The following PTPRA variants were observed in gnomAD, a reference collection of about 807,000 sequenced individuals.
PTPRA encodes the protein protein tyrosine phosphatase receptor type A, also known as receptor-type tyrosine-protein phosphatase alpha.
PTPRA carries 25 observed loss-of-function variants against 104.8 expected under a neutral mutation model. The observed-to-expected ratio is 0.24, with a 90% confidence interval of 0.17 to 0.33. The LOEUF is 0.33. Ranked by LOEUF, PTPRA falls within the 10% of genes least tolerant of loss-of-function variation. PTPRA has a pLI of 1.00. For synonymous variants in PTPRA, 323 were observed against 368.9 expected, an observed-to-expected ratio of 0.88 and a Z score of 1.43; for missense variants, 765 against 1,015.3, an observed-to-expected ratio of 0.75 and a Z score of 3.35.
rs755764539 is a variant in PTPRA at position 2,965,018 on chromosome 20, C to T, written c.231C>T (p.Thr77=). 3 of 1,614,008 alleles carry T rather than the reference C, an allele frequency of 1.9e-6. No individual in the cohort carries two copies. The highest frequency in any genetic ancestry group is 2.5e-6 in the Non-Finnish European group (3 of 1,179,974). ...PNITLGPTYL[T]TVNSSDSDNG... ...TAACTCTGGGACCCACCTATTTAAC[C>T]ACTGTCAATTCTTCAGACTCTGACA... The change falls in exon 5 of 24, where the codon ACC becomes ACT. Residue 77 remains threonine, a synonymous_variant. Transcript: ENST00000399903.
At chr20:2,891,898 T>C (rs2058806702) in intron 1 of PTPRA, among the ~76,000 whole-genome samples, 1 of 152,236 alleles carries the variant, frequency 6.6e-6, no homozygotes, top group Non-Finnish European at 1.5e-5. Flanking sequence ...GCAAATACTA[T>C]GTAAATAGCT....
At chr20:2,951,045 G>C (rs144227087) in intron 3 of PTPRA, among the ~76,000 whole-genome samples, 1 of 152,230 alleles carries the variant, frequency 6.6e-6, no homozygotes, top group African/African-American at 2.4e-5. Flanking sequence ...TTTTATACAA[G>C]TGAAATCATG....
At position 2,965,074 on chromosome 20, in the gene PTPRA, C is replaced by G. The variant is rs774311246; in HGVS notation, c.287C>G (p.Ser96Cys). 6.2e-7 allele frequency: 1 copy of G among 1,614,002 alleles called. No individual in the cohort carries two copies. Among genetic ancestry groups the G allele is most frequent in the Non-Finnish European group, 8.5e-7 (1 of 1,179,868 alleles). ...ACCACAAGAACAGCAAGCACCAATT[C>G]TATAGGCATTACAATTTCACCAAAT... ...NGTTRTASTN[S>C]IGITISPNGT... Residue 96 changes from serine (S) to cysteine (C), a missense_variant, in exon 5 of 24, where the codon TCT (serine) becomes TGT (cysteine). Transcript: ENST00000399903.
At chr20:2,867,549 GCTCTCC>G in the PTPRA span, among the ~76,000 whole-genome samples, 2 of 148,406 alleles carry the variant, frequency 1.3e-5, no homozygotes, top group African/African-American at 5.0e-5. Flanking sequence ...CACCCCCTCT[GCTCTCC>G]CTGTCTAGCC....
At chr20:2,910,589 G>GTTTTT (rs1423909050) in intron 1 of PTPRA, among the ~76,000 whole-genome samples, 2 of 57,980 alleles carry the variant, frequency 3.4e-5, no homozygotes, top group African/African-American at 1.6e-4. Flanking sequence ...TTTTTTTTTT[G>GTTTTT]TTTTTTTTTT....
At chr20:3,023,622 G>A (rs2064991441) in intron 16 of PTPRA, among the ~76,000 whole-genome samples, 2 of 152,142 alleles carry the variant, frequency 1.3e-5, no homozygotes, top group South Asian at 4.1e-4. Context: ...ATGACACAGA[G>A]TCCTTTGCTC....
At chr20:3,007,609 C>A (rs866834673) in intron 11 of PTPRA, among the ~76,000 whole-genome samples, 189 bp downstream of exon 11, 1 of 151,726 alleles carries the variant, frequency 6.6e-6, no homozygotes, top group South Asian at 2.1e-4. Flanking sequence ...CTATATTTAC[C>A]CTGTCGTCAT....
intron 5 of PTPRA, among the ~76,000 whole-genome samples, chr20:2,968,785 A>G (rs528688559): frequency 6.0e-4 from 91 of 152,276 alleles, no homozygotes; most frequent in Admixed American, 1.6e-3. Flanking sequence ...CTAATGGCTC[A>G]TGCCTGTGGT....
chr20:3,025,555 G>A (rs927321721), intron 17 of PTPRA, among the ~76,000 whole-genome samples: 2 of 151,628 alleles, frequency 1.3e-5, no homozygotes, highest in African/African-American at 2.4e-5. Flanking sequence ...CATGTGCACA[G>A]ATTTCTTTGG....
chr20:2,948,802 A>G (rs562054199), intron 3 of PTPRA, among the ~76,000 whole-genome samples: 2 of 151,894 alleles, frequency 1.3e-5, no homozygotes, highest in East Asian at 1.9e-4. Context: ...ATAGAAAAAA[A>G]TTAGCTGGGC....
intron 6 of PTPRA, among the ~76,000 whole-genome samples, chr20:2,977,291 CA>C (rs60609555): frequency 0.64 from 76,264 of 119,762 alleles, 22,658 homozygotes; most frequent in East Asian, 0.83. Context: ...GACTCTGTCT[CA>C]AAAAAAAAAA....
rs1411397362 is a variant in PTPRA, at chr20:3,037,918, G to C, written c.2335-141G>C. ...AATGCTGTCAGAACTCTGGCAGGCA[G>C]ATCAGAGCTCAGGTGAAAGTTCAAA... On this transcript the variant is annotated intron_variant, in intron 23 of 23. Transcript: ENST00000399903. The surrounding 1 kb of genome is among the most constrained non-coding windows in gnomAD (Gnocchi z 4.3). The C allele has an allele frequency of 2.8e-6, 2 of 704,458 alleles. No individual in the cohort carries two copies. Among genetic ancestry groups the C allele is most frequent in the Non-Finnish European group, 4.9e-6 (2 of 408,084 alleles). The allele number at this position is 704,458 out of a possible 1,614,324, so 43.6% of individuals were successfully genotyped here. A position where few individuals can be genotyped will look rare whatever the true frequency, so the allele number is the denominator to read the frequency against.
chr20:2,941,434 A>G (rs988018815), intron 2 of PTPRA, among the ~76,000 whole-genome samples: 5 of 152,154 alleles, frequency 3.3e-5, no homozygotes, highest in Admixed American at 1.3e-4. Context: ...GAGCAAATCT[A>G]TTATCACACC....
chr20:3,019,512 G>A (rs1315825262), intron 13 of PTPRA, among the ~76,000 whole-genome samples: 1 of 150,398 alleles, frequency 6.6e-6, no homozygotes, highest in Non-Finnish European at 1.5e-5. Context: ...CATCTCAGAC[G>A]ATGGGCGGCC....
chr20:2,901,958 T>C (rs2059254721), intron 1 of PTPRA, among the ~76,000 whole-genome samples: 1 of 152,000 alleles, frequency 6.6e-6, no homozygotes, highest in African/African-American at 2.4e-5. Flanking sequence ...CAGTCTTAGC[T>C]CACTGCAACC....
chr20:2,910,987 G>A (rs2147233015), intron 1 of PTPRA, among the ~76,000 whole-genome samples: 1 of 150,868 alleles, frequency 6.6e-6, no homozygotes, highest in Admixed American at 6.6e-5. Flanking sequence ...ATCTCCTGGG[G>A]TCAAACAGTG....
chr20:2,902,050 A>G (rs1405416821), intron 1 of PTPRA, among the ~76,000 whole-genome samples: 3 of 151,680 alleles, frequency 2.0e-5, no homozygotes, highest in East Asian at 3.9e-4. Context: ...CACACTGGCT[A>G]ATTTTTATAT....
At chr20:2,902,560 G>C (rs947451142) in intron 1 of PTPRA, among the ~76,000 whole-genome samples, 1 of 152,292 alleles carries the variant, frequency 6.6e-6, no homozygotes, top group African/African-American at 2.4e-5. Flanking sequence ...ATATTGGAAA[G>C]ATTGATGCCA....
the PTPRA span, chr20:2,865,931 G>A: frequency 2.0e-6 from 1 of 501,428 alleles, no homozygotes; most frequent in Non-Finnish European, 3.6e-6. The surrounding 1 kb of genome is among the most constrained non-coding windows in gnomAD (Gnocchi z 5.2). Flanking sequence ...AGGGCTGGTG[G>A]CAGGAACGCC....
Sources: allele counts gnomAD v4.1 joint callset (sites outside exome capture counted in the v4.1 genomes callset), GRCh38; gene constraint gnomAD v4.1.1; non-coding constraint Gnocchi (gnomAD v3.1); transcripts MANE v1.5; gene names NCBI Gene and HGNC (gene_info 2026-07-23, HGNC 2026-07-21).